The following PDIA6 variants were observed in gnomAD, a reference collection of about 807,000 sequenced individuals.
PDIA6 encodes the protein protein disulfide isomerase family A member 6, also known as protein disulfide-isomerase A6.
Under a neutral mutation model 58.4 loss-of-function variants are expected in PDIA6, and 29 were observed. The observed-to-expected ratio is 0.50, with a 90% CI of 0.37 to 0.68. The LOEUF (loss-of-function observed/expected upper bound fraction) is 0.68, where lower values mean the gene tolerates loss of function less well. PDIA6 is among the 30% of genes least tolerant of loss of function. The pLI is 0.00. For missense variants in PDIA6, 480 were observed against 551.0 expected (o/e 0.87, Z 1.29); for synonymous variants, 192 against 202.6 (o/e 0.95, Z 0.44).
upstream of PDIA6, among the ~76,000 whole-genome samples, chr2:10,834,947 T>C (rs370096448): frequency 1.2e-4 from 19 of 152,154 alleles, 1 homozygote; most frequent in East Asian, 1.4e-3. Flanking sequence ...TTTGTATTTT[T>C]AGTAGAGACA....
In PDIA6 at chr2:10,786,397, G is replaced by GC. The variant is rs749260205; in HGVS notation, c.1157+883dup. ...GCTGGGAGGGAAGGAGCCACAGTCT[G>GC]CCCCCCGCCGGCAGAGGCTGAAGCA... On this transcript the variant is annotated intron_variant, in intron 11 of 12. Coordinates refer to ENST00000272227, the MANE Select transcript of PDIA6 (RefSeq NM_005742.4). Among the ~76,000 whole-genome samples, 5 of 152,172 alleles carry GC rather than the reference G, an allele frequency of 3.3e-5. No individual in the cohort carries two copies. In the South Asian group the frequency reaches 6.2e-4, roughly 19 times the overall value.
At chr2:10,819,277 G>T in exon 2 of PDIA6, 3 of 1,518,992 alleles carry the variant, frequency 2.0e-6, no homozygotes, top group African/African-American at 1.4e-5. Flanking sequence ...TACTTACCGG[G>T]TGCATTAGCC....
upstream of PDIA6, among the ~76,000 whole-genome samples, chr2:10,817,117 A>G (rs972114053): frequency 1.3e-5 from 2 of 151,824 alleles, no homozygotes; most frequent in Non-Finnish European, 1.5e-5. Context: ...CGCTAGGATC[A>G]CTCTCCCTTT....
chr2:10,797,270 A>G lies in PDIA6; in HGVS notation c.220-63T>C, dbSNP rs193084860. 3.7e-3 allele frequency: 5,677 copies of G among 1,529,122 alleles called. 20 individuals are homozygous for G. Among genetic ancestry groups the G allele is most frequent in the Non-Finnish European group, 4.5e-3 (5,111 of 1,126,512 alleles). The allele number at this position is 1,529,122 out of a possible 1,614,324, so 94.7% of individuals were successfully genotyped here. A position where few individuals can be genotyped will look rare whatever the true frequency, so the allele number is the denominator to read the frequency against. On this transcript the variant is annotated intron_variant, in intron 3 of 12. Coordinates refer to ENST00000272227, the MANE Select transcript of PDIA6 (RefSeq NM_005742.4). ...GCTAAAGCAGACTCCACAAGAACTC[A>G]TTATCTGCTTCACATAGACTCAGAA...
chr2:10,822,555 C>T (rs1399894666), intron 1 of PDIA6, among the ~76,000 whole-genome samples: 1 of 152,230 alleles, frequency 6.6e-6, no homozygotes, highest in Non-Finnish European at 1.5e-5. Flanking sequence ...AGCCACCGTG[C>T]CTGGCCTCAT....
chr2:10,836,269 C>T (rs1667830087), upstream of PDIA6, among the ~76,000 whole-genome samples: 1 of 152,154 alleles, frequency 6.6e-6, no homozygotes, highest in Non-Finnish European at 1.5e-5. Context: ...ACACTCAGGT[C>T]CTACGATGGC....
At chr2:10,826,315 G>A (rs1261549730) in intron 1 of PDIA6, among the ~76,000 whole-genome samples, 1 of 152,146 alleles carries the variant, frequency 6.6e-6, no homozygotes, top group Admixed American at 6.5e-5. Context: ...CTGGGAGTTG[G>A]GAGAGGACAG....
At chr2:10,833,939 G>T (rs1042649537), upstream of PDIA6, among the ~76,000 whole-genome samples, 2 of 152,212 alleles carry the variant, frequency 1.3e-5, no homozygotes, top group Non-Finnish European at 2.9e-5. Flanking sequence ...CTCCTCCCAG[G>T]TCCCACCAGT....
At chr2:10,819,924 C>T (rs1468165558) in intron 1 of PDIA6, among the ~76,000 whole-genome samples, 1 of 152,214 alleles carries the variant, frequency 6.6e-6, no homozygotes, top group African/African-American at 2.4e-5. Context: ...CTCTGCTGGT[C>T]TGCAGGTTTG....
chr2:10,805,610 T>C (rs187077938), intron 1 of PDIA6, among the ~76,000 whole-genome samples: 386 of 68,768 alleles, frequency 5.6e-3, no homozygotes, highest in Middle Eastern at 0.018. Context: ...CACATGCACA[T>C]GTATGTTTAT....
chr2:10,835,378 C>T (rs1667810964), upstream of PDIA6, among the ~76,000 whole-genome samples: 1 of 152,108 alleles, frequency 6.6e-6, no homozygotes, highest in African/African-American at 2.4e-5. Context: ...TGGCAGTGAG[C>T]CAGCCGGGTT....
intron 2 of PDIA6, among the ~76,000 whole-genome samples, chr2:10,818,558 G>A (rs574030627): frequency 6.8e-6 from 1 of 147,592 alleles, no homozygotes; most frequent in South Asian, 2.1e-4. Context: ...TTTTGCTCTT[G>A]TTGCCCAGGC....
chr2:10,788,992 CA>C lies in PDIA6; in HGVS notation c.841-12del, dbSNP rs1449676957. The C allele has an allele frequency of 1.2e-6, 2 of 1,610,170 alleles. No homozygotes were observed. Among genetic ancestry groups the C allele is most frequent in the Non-Finnish European group, 1.7e-6 (2 of 1,176,556 alleles). ...GTCCTCGTTGATAATCTGTGGGACC[CA>C]AAAGACAAGGGACAATCAGGAGGCT... On this transcript the variant is annotated splice_polypyrimidine_tract_variant and intron_variant, in intron 8 of 12. Transcript: ENST00000272227.
At chr2:10,826,599 A>G (rs1247574857) in intron 1 of PDIA6, among the ~76,000 whole-genome samples, 2 of 152,184 alleles carry the variant, frequency 1.3e-5, no homozygotes, top group Admixed American at 1.3e-4. Context: ...ACCTCAGGTG[A>G]TCTGCTTGCC....
chr2:10,803,884 T>C (rs1666616983), intron 1 of PDIA6, among the ~76,000 whole-genome samples: 1 of 151,466 alleles, frequency 6.6e-6, no homozygotes, highest in South Asian at 2.1e-4. Flanking sequence ...CCTAGGCTAA[T>C]GTGCGTGTTT....
Position 10,790,834 on chromosome 2 carries a change from C to A in PDIA6, c.585-1G>T. The A allele has an allele frequency of 6.2e-7, 1 of 1,609,806 alleles. No individual in the cohort carries two copies. Among genetic ancestry groups the A allele is most frequent in the Non-Finnish European group, 8.5e-7 (1 of 1,176,270 alleles). On this transcript the variant is annotated splice_acceptor_variant, in intron 6 of 12. Coordinates refer to ENST00000272227, the MANE Select transcript of PDIA6 (RefSeq NM_005742.4). LOFTEE classifies it high-confidence loss of function. The stretch of plus-strand genomic sequence containing the variant: ...TGCGGCAGCCCACTCTGGCTCTAGG[C>A]TATAGAAAAATATTCGTTTTGTTTT...
At chr2:10,786,363 T>C (rs1303998793) in intron 11 of PDIA6, among the ~76,000 whole-genome samples, 1 of 151,548 alleles carries the variant, frequency 6.6e-6, no homozygotes. Context: ...CCAACTACAA[T>C]GAGAGAGAGC....
At chr2:10,806,650 A>AAAGAAAGACAGACAGACAG (rs1553339954) in intron 1 of PDIA6, among the ~76,000 whole-genome samples, 9 of 62,982 alleles carry the variant, frequency 1.4e-4, no homozygotes, top group East Asian at 5.4e-4. Flanking sequence ...AAGAAAGAAA[A>AAAGAAAGACAGACAGACAG]ACGTTACAGT....
chr2:10,791,829 C>G lies in PDIA6; in HGVS notation c.550G>C (p.Glu184Gln). The change falls in exon 6 of 13, where the codon GAG becomes CAG. Residue 184 changes from glutamate to glutamine, a missense_variant. Glu to Gln is a conservative substitution (Grantham distance 29). Coordinates refer to ENST00000272227, the MANE Select transcript of PDIA6 (RefSeq NM_005742.4). ...TGTCCACACCAAGGAGCATAGAACT[C>G]AACCATCCAAACATCTTCACTGTCC... ...VLDSEDVWMVEFYAPWCGHCK... is the reference protein window; with the variant it reads ...VLDSEDVWMVQFYAPWCGHCK... The G allele has an allele frequency of 6.2e-7, 1 of 1,614,130 alleles. No homozygotes were observed. The highest frequency in any genetic ancestry group is 8.5e-7 in the Non-Finnish European group (1 of 1,180,010).
Sources: gnomAD v4.1 joint callset for allele counts (sites outside exome capture counted in the v4.1 genomes callset) on GRCh38, gnomAD v4.1.1 for gene constraint, MANE v1.5 for transcripts, NCBI Gene and HGNC (gene_info 2026-07-23, HGNC 2026-07-21) for gene names.